ACTN1: variants seen among roughly 807,000 people sequenced by gnomAD.
ACTN1 encodes the protein alpha-actinin-1.
Under a neutral mutation model 119.6 loss-of-function variants are expected in ACTN1, and 30 were observed. The observed-to-expected ratio is 0.25, with a 90% CI of 0.19 to 0.34. The LOEUF (loss-of-function observed/expected upper bound fraction) is 0.34. Among genes scored for constraint, ACTN1 ranks in the 10% least tolerant of loss-of-function variants. ACTN1 has a pLI of 1.00. For missense variants in ACTN1, 764 were observed against 1,223.4 expected (o/e 0.62, Z 5.60); for synonymous variants, 429 against 472.6 (o/e 0.91, Z 1.20).
chr14:68,882,607 A>G lies in ACTN1; in HGVS notation c.1819-15T>C. ...AGCTGCCGCACCTGGGGCAGGAACA[A>G]CAAGGCGACTTTCAGGATGGGTCAG... On this transcript the variant is annotated splice_polypyrimidine_tract_variant and intron_variant, in intron 15 of 21. Coordinates refer to ENST00000394419, the MANE Select transcript of ACTN1 (RefSeq NM_001130004.2). This position sits in a 1 kb window ranked among gnomAD's most constrained non-coding sequence, Gnocchi z 4.5. The G allele has an allele frequency of 2.5e-6, 4 of 1,613,838 alleles. No individual in the cohort carries two copies. Among genetic ancestry groups the G allele is most frequent in the Non-Finnish European group, 3.4e-6 (4 of 1,179,766 alleles).
rs2140283510 is a variant in ACTN1, at chr14:68,909,051, G to C, written c.594+267C>G. On this transcript the variant is annotated intron_variant, in intron 6 of 21. Transcript: ENST00000394419. This position sits in a 1 kb window ranked among gnomAD's most constrained non-coding sequence, Gnocchi z 4.1. ...ACACCATGTATCATTCCATCCCTCT[G>C]ACAAAGCTGCTGTCACAGCTGTGAT... Among the ~76,000 whole-genome samples, 1 of 152,348 alleles carries C rather than the reference G, an allele frequency of 6.6e-6. No individual in the cohort carries two copies. The highest frequency in any genetic ancestry group is 2.1e-4 in the South Asian group (1 of 4,824).
At chr14:68,883,340 A>G (rs1171614382) in intron 14 of ACTN1, 1 of 374,112 alleles carries the variant, frequency 2.7e-6, no homozygotes, top group Non-Finnish European at 4.9e-6. Context: ...GAGGCTCACT[A>G]CCCAGGTGAC....
intron 7 of ACTN1, among the ~76,000 whole-genome samples, chr14:68,903,640 T>G (rs185071214): frequency 6.6e-6 from 1 of 152,114 alleles, no homozygotes; most frequent in Admixed American, 6.5e-5. Context: ...CCTTCAGCAC[T>G]GAGCAGTTGG....
At chr14:68,888,457 A>G (rs566977337) in intron 11 of ACTN1, among the ~76,000 whole-genome samples, 1 of 152,250 alleles carries the variant, frequency 6.6e-6, no homozygotes, top group Non-Finnish European at 1.5e-5. Context: ...CTGGATAAAT[A>G]ACTCCATACA....
intron 9 of ACTN1, among the ~76,000 whole-genome samples, chr14:68,892,631 G>A (rs959733451): frequency 2.0e-5 from 3 of 152,184 alleles, no homozygotes; most frequent in Admixed American, 6.5e-5. Context: ...CTAACTGGCT[G>A]GGCCTCAGTT....
chr14:68,907,574 A>G (rs1419164948), intron 6 of ACTN1, among the ~76,000 whole-genome samples: 1 of 152,042 alleles, frequency 6.6e-6, no homozygotes, highest in Non-Finnish European at 1.5e-5. Context: ...CAAAAAACAA[A>G]ACAAAAACAA....
At chr14:68,952,990 C>T (rs931042825) in intron 1 of ACTN1, among the ~76,000 whole-genome samples, 2 of 152,050 alleles carry the variant, frequency 1.3e-5, no homozygotes, top group African/African-American at 4.8e-5. Flanking sequence ...CTGAGAGGGT[C>T]GGGGGGATGA....
chr14:68,948,478 T>G (rs1353914656), intron 1 of ACTN1, among the ~76,000 whole-genome samples: 2 of 152,014 alleles, frequency 1.3e-5, no homozygotes, highest in Non-Finnish European at 2.9e-5. Context: ...CTTGGGAGGC[T>G]GAGGCAGGAG....
chr14:68,958,627 C>T (rs2036430239), intron 1 of ACTN1, among the ~76,000 whole-genome samples: 2 of 151,938 alleles, frequency 1.3e-5, no homozygotes, highest in Admixed American at 1.3e-4. Context: ...TCAAAAAACC[C>T]AGCTCCTGGA....
chr14:68,882,703 G>GTGTTC lies in ACTN1; in HGVS notation c.1819-112_1819-111insGAACA, dbSNP rs2031663688. The GTGTTC allele has an allele frequency of 6.5e-6, 10 of 1,538,786 alleles. No homozygotes were observed. The highest frequency in any genetic ancestry group is 8.8e-6 in the Non-Finnish European group (10 of 1,131,118). On this transcript the variant is annotated intron_variant, in intron 15 of 21. Transcript: ENST00000394419. The surrounding 1 kb of genome is among the most constrained non-coding windows in gnomAD (Gnocchi z 4.5). ...GAAGGGCCGGTCAGTAACAGAACAG[G>GTGTTC]AGTAAAGGTGTCAACCTGTTCTGGA...
chr14:68,886,792 CA>C (rs377762909), intron 11 of ACTN1: 84,254 of 143,890 alleles, frequency 0.59, 24,304 homozygotes, highest in African/African-American at 0.68. Flanking sequence ...GACTCCGTTT[CA>C]AAAAAAAAAA....
At chr14:68,946,947 C>A (rs1355721704) in intron 1 of ACTN1, among the ~76,000 whole-genome samples, 24 of 152,230 alleles carry the variant, frequency 1.6e-4, no homozygotes, top group Admixed American at 1.6e-3. Flanking sequence ...CTCAGGCCAG[C>A]CCCTTCAAGC....
chr14:68,967,199 C>T (rs2036736443), intron 1 of ACTN1, among the ~76,000 whole-genome samples: 1 of 152,190 alleles, frequency 6.6e-6, no homozygotes, highest in Non-Finnish European at 1.5e-5. Context: ...CCAACTGGGC[C>T]TCTGCCCTGG....
In ACTN1 at chr14:68,887,983, C is replaced by T. The variant is rs753395331; in HGVS notation, c.1234+2156G>A. The T allele has an allele frequency of 3.8e-5, 29 of 770,348 alleles. 1 individual carries two copies. Among genetic ancestry groups the T allele is most frequent in the African/African-American group, 8.6e-5 (5 of 58,042 alleles). 47.7% of individuals were successfully genotyped at this position (770,348 alleles called of 1,614,324 possible). A position where few individuals can be genotyped will look rare whatever the true frequency, so the allele number is the denominator to read the frequency against. On this transcript the variant is annotated intron_variant, in intron 11 of 21. Coordinates refer to ENST00000394419, the MANE Select transcript of ACTN1 (RefSeq NM_001130004.2). ...CCTTCACTGCTGCGTTTTTCGGCTT[C>T]GCTTCCACTTTTGCAGGAGGTTTAA...
chr14:68,945,748 G>A (rs1440118625), intron 1 of ACTN1, among the ~76,000 whole-genome samples: 1 of 152,190 alleles, frequency 6.6e-6, no homozygotes, highest in Non-Finnish European at 1.5e-5. Context: ...AGAGGCCACA[G>A]CTTTGCACCC....
intron 6 of ACTN1, among the ~76,000 whole-genome samples, chr14:68,906,671 G>A (rs1288515699): frequency 6.6e-6 from 1 of 152,230 alleles, no homozygotes; most frequent in Non-Finnish European, 1.5e-5. Flanking sequence ...CTGCAGGAAG[G>A]AAGAGCTTCC....
rs544140994 is a variant in ACTN1, at chr14:68,879,552, C to G, written c.2280+410G>C. On this transcript the variant is annotated intron_variant, in intron 18 of 21. Coordinates refer to ENST00000394419, the MANE Select transcript of ACTN1 (RefSeq NM_001130004.2). The surrounding 1 kb of genome is among the most constrained non-coding windows in gnomAD (Gnocchi z 4.9). ...GGATGGGAACCCAGGACCAAGGCCT[C>G]TGACATCCCCAGCAGAGTCCCAGAG... is the stretch of plus-strand genomic sequence containing the variant. 3.9e-5 allele frequency among the ~76,000 whole-genome samples: 6 copies of G among 152,294 alleles called. No individual in the cohort carries two copies. In the South Asian group the frequency reaches 1.2e-3, roughly 32 times the overall value.
intron 9 of ACTN1, among the ~76,000 whole-genome samples, chr14:68,893,244 G>GTTATGCTAGCCTGA (rs968342355): frequency 1.3e-5 from 2 of 152,166 alleles, no homozygotes; most frequent in Non-Finnish European, 2.9e-5. Context: ...TTTGGTAGCT[G>GTTATGCTAGCCTGA]TTATGCTAGC....
intron 3 of ACTN1, among the ~76,000 whole-genome samples, chr14:68,917,804 G>A (rs377715823): frequency 7.2e-5 from 11 of 152,162 alleles, no homozygotes; most frequent in South Asian, 2.1e-4. Context: ...GGTGGCTTGC[G>A]CCTGTAATCC....
Sources: allele counts gnomAD v4.1 joint callset (sites outside exome capture counted in the v4.1 genomes callset), GRCh38; gene constraint gnomAD v4.1.1; non-coding constraint Gnocchi (gnomAD v3.1); transcripts MANE v1.5; gene names NCBI Gene and HGNC (gene_info 2026-07-23, HGNC 2026-07-21).